Variants in ARHGAP22 observed in about 807,000 individuals in gnomAD.
ARHGAP22 encodes Rho GTPase activating protein 22.
ARHGAP22 carries 48 observed loss-of-function variants against 59.1 expected under a neutral mutation model. The ratio of observed to expected loss-of-function variants is 0.81; its 90% CI spans 0.64 to 1.03. The LOEUF is 1.03. Among genes scored for constraint, ARHGAP22 ranks in the 50% least tolerant of loss-of-function variants. ARHGAP22 has a pLI of 0.00. For synonymous variants in ARHGAP22, 445 were observed against 416.4 expected, an observed-to-expected ratio of 1.07 and a Z score of -0.84; for missense variants, 1,015 against 958.7, an observed-to-expected ratio of 1.06 and a Z score of -0.78.
chr10:48,476,681 A>G (rs184027708), intron 4 of ARHGAP22, among the ~76,000 whole-genome samples: 2 of 152,358 alleles, frequency 1.3e-5, no homozygotes, highest in Admixed American at 1.3e-4. Flanking sequence ...TCTTCAGCAC[A>G]CAGCCTGGGA....
chr10:48,570,730 A>G (rs779540267), intron 2 of ARHGAP22, among the ~76,000 whole-genome samples: 1 of 152,168 alleles, frequency 6.6e-6, no homozygotes, highest in Non-Finnish European at 1.5e-5. Context: ...ATTCACCAAG[A>G]GCAATGAGAT....
At chr10:48,607,375 G>A (rs913911586), upstream of ARHGAP22, among the ~76,000 whole-genome samples, 4 of 152,192 alleles carry the variant, frequency 2.6e-5, no homozygotes, top group Non-Finnish European at 4.4e-5. Flanking sequence ...GTCTGAGAAG[G>A]CTGGGGGAAT....
chr10:48,554,755 G>A (rs2057174789), intron 3 of ARHGAP22, among the ~76,000 whole-genome samples: 1 of 152,160 alleles, frequency 6.6e-6, no homozygotes, highest in Non-Finnish European at 1.5e-5. Context: ...AAGCCCCTGT[G>A]GGAACTGAGC....
At chr10:48,547,208 C>T (rs542237688) in intron 3 of ARHGAP22, among the ~76,000 whole-genome samples, 1 of 152,386 alleles carries the variant, frequency 6.6e-6, no homozygotes, top group South Asian at 2.1e-4. Flanking sequence ...CAGACACCAG[C>T]TTGCCTAGGC....
intron 4 of ARHGAP22, 92 bp downstream of exon 4, chr10:48,479,544 G>T (rs1425978437): frequency 2.5e-6 from 4 of 1,602,354 alleles, no homozygotes; most frequent in Non-Finnish European, 3.4e-6. Flanking sequence ...AGTCCTCAGT[G>T]AGCAGGGTCT....
chr10:48,444,028 TGA>T, downstream of ARHGAP22: 1 of 152,368 alleles, frequency 6.6e-6, no homozygotes, highest in South Asian at 2.1e-4. Flanking sequence ...TGAAGTATTC[TGA>T]GAGCAGAATC....
At chr10:48,534,422 A>G (rs2055159343) in intron 3 of ARHGAP22, among the ~76,000 whole-genome samples, 2 of 152,222 alleles carry the variant, frequency 1.3e-5, no homozygotes, top group South Asian at 4.1e-4. Context: ...AGCATGGGAA[A>G]GAGCAGGAGG....
intron 3 of ARHGAP22, among the ~76,000 whole-genome samples, chr10:48,491,444 T>C (rs980700677): frequency 1.3e-5 from 2 of 152,218 alleles, no homozygotes; most frequent in Non-Finnish European, 2.9e-5. Context: ...CCATGTTCCT[T>C]CTTGGCCTGA....
At chr10:48,431,253 G>A in the ARHGAP22 span, 1 of 1,611,174 alleles carries the variant, frequency 6.2e-7, no homozygotes, top group African/African-American at 1.3e-5. Context: ...GTTATACGGG[G>A]GCAGCCCTCT....
chr10:48,576,496 T>A lies in ARHGAP22; in HGVS notation c.234+6457A>T, dbSNP rs1179230779. Among the ~76,000 whole-genome samples, 6 of 152,168 alleles carry A rather than the reference T, an allele frequency of 3.9e-5. No homozygotes were observed. In the East Asian group the frequency reaches 1.2e-3, roughly 29 times the overall value. On this transcript the variant is annotated intron_variant, in intron 2 of 9. Coordinates refer to ENST00000249601, the MANE Select transcript of ARHGAP22 (RefSeq NM_021226.4). Reference sequence around the variant, plus strand: ...AGAAATTACAATAACACAGAAAAAATGCAAGCTGACCCTGTTACCAACTCA... The same window carrying A: ...AGAAATTACAATAACACAGAAAAAAAGCAAGCTGACCCTGTTACCAACTCA...
chr10:48,511,041 C>T (rs2052710308), intron 3 of ARHGAP22: 1 of 152,286 alleles, frequency 6.6e-6, no homozygotes. Flanking sequence ...TGGAATAGAC[C>T]TTGCTTGTTT....
chr10:48,582,940 A>C lies in ARHGAP22; in HGVS notation c.234+13T>G, dbSNP rs993729937. The C allele has an allele frequency of 9.3e-6, 15 of 1,614,036 alleles. No individual in the cohort carries two copies. The highest frequency in any genetic ancestry group is 1.1e-5 in the Non-Finnish European group (13 of 1,179,896). On this transcript the variant is annotated intron_variant, in intron 2 of 9. Coordinates refer to ENST00000249601, the MANE Select transcript of ARHGAP22 (RefSeq NM_021226.4). ...CCACGATGCCCACGGCACACCGGAC[A>C]TGCACTTCTCACCTGGGGCTTGATC... is the stretch of plus-strand genomic sequence containing the variant.
intron 1 of ARHGAP22, among the ~76,000 whole-genome samples, chr10:48,631,674 A>G (rs1461408043): frequency 6.6e-6 from 1 of 152,208 alleles, no homozygotes; most frequent in Non-Finnish European, 1.5e-5. Context: ...CCTGTTCCTT[A>G]TAATATTACT....
upstream of ARHGAP22, among the ~76,000 whole-genome samples, chr10:48,609,971 G>T (rs2060820376): frequency 6.6e-6 from 1 of 152,220 alleles, no homozygotes; most frequent in East Asian, 1.9e-4. Context: ...TGCCCTGCTT[G>T]TACTGTAAGC....
chr10:48,551,748 T>C (rs1454625639), intron 3 of ARHGAP22, among the ~76,000 whole-genome samples: 1 of 152,230 alleles, frequency 6.6e-6, no homozygotes, highest in Non-Finnish European at 1.5e-5. Context: ...TTTCTCTGTG[T>C]CTTGCTCAGT....
chr10:48,584,919 G>A (rs562731886), intron 1 of ARHGAP22, among the ~76,000 whole-genome samples: 16 of 152,020 alleles, frequency 1.1e-4, no homozygotes, highest in South Asian at 8.3e-4. Context: ...GCCTGAATCC[G>A]GGAGGCGGAG....
At chr10:48,456,470 TCCCGGG>T (rs1352775639) in intron 5 of ARHGAP22, among the ~76,000 whole-genome samples, 1 of 152,064 alleles carries the variant, frequency 6.6e-6, no homozygotes, top group East Asian at 1.9e-4. Context: ...CTCGGCCTTC[TCCCGGG>T]CCATGTTCCT....
At chr10:48,528,606 T>TA (rs2054544952) in intron 3 of ARHGAP22, among the ~76,000 whole-genome samples, 1 of 152,156 alleles carries the variant, frequency 6.6e-6, no homozygotes, top group Non-Finnish European at 1.5e-5. Context: ...TGGTCCCTGA[T>TA]ATGGTGTAGA....
chr10:48,449,210 C>T (rs2045654844), intron 9 of ARHGAP22, among the ~76,000 whole-genome samples: 1 of 152,236 alleles, frequency 6.6e-6, no homozygotes, highest in Non-Finnish European at 1.5e-5. Context: ...TACTATATTT[C>T]TGGAGGCCCT....
Sources: gnomAD v4.1 joint callset for allele counts (sites outside exome capture counted in the v4.1 genomes callset) on GRCh38, gnomAD v4.1.1 for gene constraint, MANE v1.5 for transcripts, NCBI Gene and HGNC (gene_info 2026-07-23, HGNC 2026-07-21) for gene names.